The following SIPA1L3 variants were observed in gnomAD, a reference collection of about 807,000 sequenced individuals.
The protein encoded by SIPA1L3 is signal-induced proliferation-associated 1-like protein 3.
Under a neutral mutation model 150.1 loss-of-function variants are expected in SIPA1L3, and 59 were observed. The ratio of observed to expected loss-of-function variants is 0.39; its 90% CI spans 0.32 to 0.49. The LOEUF is 0.49. Among genes scored for constraint, SIPA1L3 ranks in the 20% least tolerant of loss-of-function variants. The pLI is 0.86. For synonymous variants in SIPA1L3, 1,070 were observed against 1,077.6 expected, an observed-to-expected ratio of 0.99 and a Z score of 0.14; for missense variants, 2,211 against 2,489.5, an observed-to-expected ratio of 0.89 and a Z score of 2.38.
At chr19:38,118,948 A>T (rs1970953831) in intron 8 of SIPA1L3, among the ~76,000 whole-genome samples, 1 of 152,144 alleles carries the variant, frequency 6.6e-6, no homozygotes, top group African/African-American at 2.4e-5. Context: ...TAATCCCAAC[A>T]CTTTGGGAAG....
At chr19:37,924,156 A>G (rs1411131431) in intron 1 of SIPA1L3, among the ~76,000 whole-genome samples, 1 of 152,104 alleles carries the variant, frequency 6.6e-6, no homozygotes, top group Non-Finnish European at 1.5e-5. Context: ...TTTATTCTGT[A>G]AGCTTTTTTT....
At chr19:38,191,070 G>C (rs1476330401) in intron 16 of SIPA1L3, among the ~76,000 whole-genome samples, 1 of 152,172 alleles carries the variant, frequency 6.6e-6, no homozygotes, top group East Asian at 1.9e-4. Context: ...CCATGAGATG[G>C]GATACCAATA....
intron 18 of SIPA1L3, 24 bp from the exon 19 acceptor site, chr19:38,198,365 G>A (rs1973011902): frequency 6.6e-7 from 1 of 1,510,916 alleles, no homozygotes; most frequent in Non-Finnish European, 8.8e-7. Flanking sequence ...CTCAACCACT[G>A]CCATCTCCAC....
rs1262134469 is a variant in SIPA1L3 at position 38,047,238 on chromosome 19, GCACA to G, written c.-311+18086_-311+18089del. Among the ~76,000 whole-genome samples, 3 of 151,818 alleles carry G rather than the reference GCACA, an allele frequency of 2.0e-5. No homozygotes were observed. The highest frequency in any genetic ancestry group is 6.6e-5 in the Admixed American group (1 of 15,244). ...TTCTCCCCCGCCGACACACACGCAC[GCACA>G]CACGCACGCACTCACACACACTCCT... is the stretch of plus-strand genomic sequence containing the variant. On this transcript the variant is annotated intron_variant, in intron 2 of 21. Coordinates refer to ENST00000222345, the MANE Select transcript of SIPA1L3 (RefSeq NM_015073.3). The surrounding 1 kb of genome is among the most constrained non-coding windows in gnomAD (Gnocchi z 4.7).
At chr19:38,020,013 A>C (rs1436821906) in intron 1 of SIPA1L3, among the ~76,000 whole-genome samples, 3 of 152,138 alleles carry the variant, frequency 2.0e-5, no homozygotes. Context: ...GGATCAACTG[A>C]GCCCAGGAGT....
At chr19:38,030,623 A>AATATATATAT (rs757828313) in intron 2 of SIPA1L3, among the ~76,000 whole-genome samples, 23 of 42,620 alleles carry the variant, frequency 5.4e-4, no homozygotes, top group Non-Finnish European at 3.4e-4. Context: ...ATATGTGGCA[A>AATATATATAT]ATATATATAT....
intron 1 of SIPA1L3, among the ~76,000 whole-genome samples, chr19:37,949,880 C>T (rs759639981): frequency 6.6e-6 from 1 of 152,006 alleles, no homozygotes; most frequent in African/African-American, 2.4e-5. Flanking sequence ...AGATTGAAAC[C>T]ATCCTGGCCA....
chr19:38,020,889 C>A (rs12972415), intron 1 of SIPA1L3, among the ~76,000 whole-genome samples: 26,730 of 152,002 alleles, frequency 0.18, 2,507 homozygotes, highest in South Asian at 0.24. Flanking sequence ...CTCACTGCAA[C>A]CTCTGCCTCC....
At chr19:37,935,116 A>G (rs1228376267) in intron 1 of SIPA1L3, among the ~76,000 whole-genome samples, 1 of 152,212 alleles carries the variant, frequency 6.6e-6, no homozygotes, top group Non-Finnish European at 1.5e-5. Flanking sequence ...CCTCTCGTCC[A>G]GATAGAAGAT....
chr19:38,135,913 C>T (rs553048031), intron 10 of SIPA1L3, among the ~76,000 whole-genome samples: 17 of 152,012 alleles, frequency 1.1e-4, no homozygotes, highest in Admixed American at 8.5e-4. Context: ...GCAGTGAGGA[C>T]GGGATAGAAG....
chr19:38,039,162 C>T (rs899823656), intron 2 of SIPA1L3, among the ~76,000 whole-genome samples: 2 of 152,090 alleles, frequency 1.3e-5, no homozygotes, highest in Non-Finnish European at 2.9e-5. Flanking sequence ...GGATTACAGG[C>T]ATGAGCCACC....
At chr19:38,184,890 G>A (rs1972642802) in intron 16 of SIPA1L3, 1 of 152,336 alleles carries the variant, frequency 6.6e-6, no homozygotes, top group Admixed American at 6.5e-5. Context: ...CAGGCGCCAT[G>A]TTCTTTGCCG....
intron 16 of SIPA1L3, among the ~76,000 whole-genome samples, chr19:38,184,192 T>C (rs543287064): frequency 1.0e-3 from 152 of 152,054 alleles, no homozygotes; most frequent in Non-Finnish European, 1.8e-3. Context: ...ACCCCTTTTT[T>C]TTTGAGACGG....
At chr19:38,193,888 TC>T (rs1972862061) in intron 18 of SIPA1L3, 108 bp downstream of exon 18, 5 of 1,240,086 alleles carry the variant, frequency 4.0e-6, no homozygotes, top group Non-Finnish European at 5.3e-6. Context: ...GTCATCAGTG[TC>T]GGGGCCATCT....
intron 1 of SIPA1L3, among the ~76,000 whole-genome samples, chr19:38,019,340 GTGGCTTCA>G (rs1187028448): frequency 1.3e-5 from 2 of 152,164 alleles, no homozygotes; most frequent in East Asian, 3.8e-4. Context: ...TGTCCTTAAG[GTGGCTTCA>G]TGGCCCAGTG....
At chr19:38,197,987 G>A (rs949383227) in intron 18 of SIPA1L3, among the ~76,000 whole-genome samples, 4 of 151,404 alleles carry the variant, frequency 2.6e-5, no homozygotes, top group South Asian at 2.1e-4. Context: ...CGGTCCGGCC[G>A]TGTTGCCTCT....
At chr19:37,914,772 T>C (rs1280652374) in intron 1 of SIPA1L3, among the ~76,000 whole-genome samples, 1 of 152,182 alleles carries the variant, frequency 6.6e-6, no homozygotes, top group Non-Finnish European at 1.5e-5. Context: ...TCCAAAGTGC[T>C]AAGATTACAG....
chr19:37,917,336 T>C (rs2046422346), intron 1 of SIPA1L3, among the ~76,000 whole-genome samples: 2 of 152,182 alleles, frequency 1.3e-5, no homozygotes, highest in Non-Finnish European at 2.9e-5. Flanking sequence ...GACATGCCAC[T>C]CCTGTTTTAT....
At chr19:38,053,632 C>G (rs1175645908) in intron 2 of SIPA1L3, among the ~76,000 whole-genome samples, 1 of 152,084 alleles carries the variant, frequency 6.6e-6, no homozygotes, top group Non-Finnish European at 1.5e-5. Context: ...TCACAGCTCA[C>G]TGCAGCTTCA....
Sources: allele counts gnomAD v4.1 joint callset (sites outside exome capture counted in the v4.1 genomes callset), GRCh38; gene constraint gnomAD v4.1.1; non-coding constraint Gnocchi (gnomAD v3.1); transcripts MANE v1.5; gene names NCBI Gene and HGNC (gene_info 2026-07-23, HGNC 2026-07-21).